BTBD9: variants seen among roughly 807,000 people sequenced by gnomAD.
BTBD9 encodes BTB domain containing 9.
Under a neutral mutation model 64.3 loss-of-function variants are expected in BTBD9, and 49 were observed. The ratio of observed to expected loss-of-function variants is 0.76; its 90% confidence interval spans 0.61 to 0.97. BTBD9 has a LOEUF of 0.97. Among genes scored for constraint, BTBD9 ranks in the 50% least tolerant of loss-of-function variants. The pLI is 0.00. For synonymous variants in BTBD9, 260 were observed against 274.7 expected, an observed-to-expected ratio of 0.95 and a Z score of 0.53; for missense variants, 598 against 762.1, an observed-to-expected ratio of 0.78 and a Z score of 2.53.
At chr6:38,464,653 G>A (rs1363428779) in intron 6 of BTBD9, among the ~76,000 whole-genome samples, 1 of 152,124 alleles carries the variant, frequency 6.6e-6, no homozygotes, top group African/African-American at 2.4e-5. Flanking sequence ...CTGCCACCGC[G>A]CCTGGCTAAG....
chr6:38,480,846 T>G (rs528333883), intron 6 of BTBD9, among the ~76,000 whole-genome samples: 1 of 152,144 alleles, frequency 6.6e-6, no homozygotes, highest in Non-Finnish European at 1.5e-5. Context: ...GTAGTGTTGG[T>G]AGACAGCATA....
chr6:38,206,855 A>AG (rs1395040701), intron 9 of BTBD9, among the ~76,000 whole-genome samples: 52 of 152,222 alleles, frequency 3.4e-4, no homozygotes, highest in Non-Finnish European at 2.6e-4. Flanking sequence ...CAAAAAAAAA[A>AG]GAAGTCTAAA....
rs866588073 is a variant in BTBD9, at chr6:38,268,885, C to T, written c.1455-12369G>A. ...ACTTACTACTGCCCCTCTCCCACTGCATTCCCAAATCTGTTTATTCCGGTG... is the reference window on the plus strand; with the variant it reads ...ACTTACTACTGCCCCTCTCCCACTGTATTCCCAAATCTGTTTATTCCGGTG... On this transcript the variant is annotated intron_variant, in intron 8 of 10. Coordinates refer to ENST00000481247, the MANE Select transcript of BTBD9 (RefSeq NM_001099272.2). Among the ~76,000 whole-genome samples the T allele has an allele frequency of 6.6e-5, 10 of 152,332 alleles. No individual in the cohort carries two copies. The South Asian group carries it at 2.1e-3, about 32-fold the overall frequency.
intron 6 of BTBD9, among the ~76,000 whole-genome samples, chr6:38,534,214 AG>A (rs1773916588): frequency 6.6e-6 from 1 of 152,098 alleles, no homozygotes; most frequent in Non-Finnish European, 1.5e-5. Context: ...AGAAATTCAA[AG>A]GATCATTAGA....
At chr6:38,465,304 A>T (rs1340135220) in intron 6 of BTBD9, among the ~76,000 whole-genome samples, 2 of 151,270 alleles carry the variant, frequency 1.3e-5, no homozygotes, top group African/African-American at 4.9e-5. Context: ...AAAAAACAAA[A>T]AATCAATTTA....
At chr6:38,207,639 C>T (rs185727877) in intron 9 of BTBD9, among the ~76,000 whole-genome samples, 1 of 150,470 alleles carries the variant, frequency 6.6e-6, no homozygotes, top group Admixed American at 6.6e-5. Context: ...AACAAACAAA[C>T]AAACATTAAA....
chr6:38,507,600 C>A (rs11969029), intron 6 of BTBD9, among the ~76,000 whole-genome samples: 1 of 152,138 alleles, frequency 6.6e-6, no homozygotes, highest in African/African-American at 2.4e-5. Flanking sequence ...CTGTTCATCA[C>A]TCTTTCCTTC....
chr6:38,456,801 C>T (rs1319983226), intron 6 of BTBD9, among the ~76,000 whole-genome samples: 3 of 152,162 alleles, frequency 2.0e-5, no homozygotes, highest in Admixed American at 1.3e-4. Context: ...CCCCCCCAAA[C>T]TAGTCTTTTT....
At chr6:38,523,890 C>T (rs1330466126) in intron 6 of BTBD9, among the ~76,000 whole-genome samples, 1 of 152,188 alleles carries the variant, frequency 6.6e-6, no homozygotes, top group African/African-American at 2.4e-5. Flanking sequence ...GGTTCACACC[C>T]AGGCAGTGTG....
chr6:38,235,940 A>T (rs1002229673), intron 9 of BTBD9, among the ~76,000 whole-genome samples: 1 of 152,174 alleles, frequency 6.6e-6, no homozygotes, highest in Non-Finnish European at 1.5e-5. Flanking sequence ...CCTTGGGCAT[A>T]GTGACAATGA....
At chr6:38,529,897 C>T (rs1773709833) in intron 6 of BTBD9, among the ~76,000 whole-genome samples, 1 of 152,080 alleles carries the variant, frequency 6.6e-6, no homozygotes. Context: ...GGAAGACAAC[C>T]ATAAGGTCTG....
intron 6 of BTBD9, among the ~76,000 whole-genome samples, chr6:38,374,297 G>GTGTATATA (rs1582317340): frequency 5.6e-5 from 3 of 53,698 alleles, no homozygotes; most frequent in African/African-American, 2.7e-4. Context: ...ATATATATAT[G>GTGTATATA]TATATATATG....
intron 6 of BTBD9, among the ~76,000 whole-genome samples, chr6:38,540,556 T>C (rs1296127442): frequency 6.6e-6 from 1 of 152,232 alleles, no homozygotes; most frequent in Non-Finnish European, 1.5e-5. Context: ...GGCACTTACA[T>C]GGTATAAAAG....
chr6:38,378,114 G>C (rs971184133), intron 6 of BTBD9, among the ~76,000 whole-genome samples: 10 of 151,958 alleles, frequency 6.6e-5, no homozygotes, highest in Non-Finnish European at 1.3e-4. Flanking sequence ...ACGACTCTCG[G>C]GGAACCCTCC....
intron 6 of BTBD9, among the ~76,000 whole-genome samples, chr6:38,506,844 A>C (rs1218332340): frequency 6.6e-6 from 1 of 152,202 alleles, no homozygotes; most frequent in Non-Finnish European, 1.5e-5. Context: ...TTCCTGAATA[A>C]AATACAAATT....
intron 1 of BTBD9, among the ~76,000 whole-genome samples, chr6:38,603,489 A>G (rs999498164): frequency 6.6e-6 from 1 of 152,244 alleles, no homozygotes; most frequent in African/African-American, 2.4e-5. Flanking sequence ...ATAATGCTGG[A>G]ACGTTATAAT....
intron 6 of BTBD9, among the ~76,000 whole-genome samples, chr6:38,465,550 G>A (rs1346835415): frequency 2.0e-5 from 3 of 149,050 alleles, no homozygotes; most frequent in African/African-American, 7.4e-5. Context: ...AGAATGGTAT[G>A]AAACCAGGAG....
intron 9 of BTBD9, among the ~76,000 whole-genome samples, chr6:38,233,240 A>G (rs1763673026): frequency 6.6e-6 from 1 of 152,192 alleles, no homozygotes; most frequent in East Asian, 1.9e-4. Flanking sequence ...TTACTCCTTC[A>G]TTCCTAAATT....
intron 6 of BTBD9, among the ~76,000 whole-genome samples, chr6:38,469,406 C>T (rs1012107712): frequency 2.0e-5 from 3 of 151,544 alleles, no homozygotes; most frequent in Non-Finnish European, 4.4e-5. Flanking sequence ...GCAACCTCCG[C>T]CTCCTGGGTT....
Sources: gnomAD v4.1 joint callset for allele counts (sites outside exome capture counted in the v4.1 genomes callset) on GRCh38, gnomAD v4.1.1 for gene constraint, MANE v1.5 for transcripts, NCBI Gene and HGNC (gene_info 2026-07-23, HGNC 2026-07-21) for gene names.